The following MALRD1 variants were observed in gnomAD, a reference collection of about 807,000 sequenced individuals.
MALRD1 encodes the protein MAM and LDL-receptor class A domain-containing protein 1.
Under a neutral mutation model 242.1 loss-of-function variants are expected in MALRD1, and 247 were observed. The ratio of observed to expected loss-of-function variants is 1.02; its 90% CI spans 0.92 to 1.13. MALRD1 has a LOEUF of 1.13. Among genes scored for constraint, MALRD1 ranks in the 50% most tolerant of loss-of-function variants. The probability of loss-of-function intolerance (pLI) is 0.00; values close to 1 mark genes in which losing one functional copy is unlikely to be tolerated. For synonymous variants in MALRD1, 995 were observed against 866.6 expected (o/e 1.15, Z -2.60); for missense variants, 2,989 against 2,533.1 (o/e 1.18, Z -3.86).
At chr10:19,409,917 A>G (rs904778250) in intron 28 of MALRD1, among the ~76,000 whole-genome samples, 3 of 152,194 alleles carry the variant, frequency 2.0e-5, no homozygotes, top group African/African-American at 7.2e-5. Context: ...GAAAAATAAT[A>G]TGCATATTCA....
intron 34 of MALRD1, among the ~76,000 whole-genome samples, chr10:19,602,646 C>G (rs1349977257): frequency 2.0e-5 from 3 of 152,048 alleles, no homozygotes; most frequent in East Asian, 1.9e-4. Context: ...AATAGTGCCA[C>G]AATAAACATA....
At chr10:19,363,191 A>C (rs1023594979) in intron 26 of MALRD1, among the ~76,000 whole-genome samples, 1 of 152,168 alleles carries the variant, frequency 6.6e-6, no homozygotes, top group Non-Finnish European at 1.5e-5. Flanking sequence ...TGCATATAAA[A>C]TCATCAAAGA....
At chr10:19,455,703 C>G (rs1449493719) in intron 29 of MALRD1, among the ~76,000 whole-genome samples, 1 of 152,150 alleles carries the variant, frequency 6.6e-6, no homozygotes, top group African/African-American at 2.4e-5. Flanking sequence ...AGGGACAACA[C>G]TTTTTACATC....
chr10:19,560,577 G>T (rs1835919099), intron 32 of MALRD1, among the ~76,000 whole-genome samples: 1 of 152,168 alleles, frequency 6.6e-6, no homozygotes, highest in Non-Finnish European at 1.5e-5. Flanking sequence ...GCCCATCAAT[G>T]ATAGACTAGA....
chr10:19,464,620 A>G (rs973961660), intron 29 of MALRD1, among the ~76,000 whole-genome samples: 8 of 152,172 alleles, frequency 5.3e-5, no homozygotes, highest in African/African-American at 1.9e-4. Flanking sequence ...ATGGCCATAT[A>G]GTAAAGTTTG....
chr10:19,641,971 G>GA (rs1042386379), intron 36 of MALRD1, among the ~76,000 whole-genome samples: 10 of 151,542 alleles, frequency 6.6e-5, no homozygotes, highest in African/African-American at 1.7e-4. Context: ...GTCTTTGAGT[G>GA]AAAAAAAAGA....
At chr10:19,062,629 A>G (rs1380617814) in intron 1 of MALRD1, among the ~76,000 whole-genome samples, 1 of 152,204 alleles carries the variant, frequency 6.6e-6, no homozygotes, top group Non-Finnish European at 1.5e-5. Context: ...ACTCACATAC[A>G]CACAGAAAAA....
chr10:19,581,174 T>G (rs1197251321), intron 33 of MALRD1, among the ~76,000 whole-genome samples: 1 of 151,674 alleles, frequency 6.6e-6, no homozygotes, highest in Non-Finnish European at 1.5e-5. Context: ...TACTAAATTA[T>G]AAGTTTCCTC....
At chr10:19,147,192 G>C (rs1302218316) in intron 11 of MALRD1, among the ~76,000 whole-genome samples, 1 of 152,148 alleles carries the variant, frequency 6.6e-6, no homozygotes, top group Non-Finnish European at 1.5e-5. Context: ...TTGTACTGTA[G>C]ATCATCTTTC....
At chr10:19,282,699 C>T (rs1225006211) in intron 20 of MALRD1, among the ~76,000 whole-genome samples, 1 of 152,136 alleles carries the variant, frequency 6.6e-6, no homozygotes, top group African/African-American at 2.4e-5. Context: ...ACTTGGAGAT[C>T]ATGCAAGCAA....
At chr10:19,245,184 A>T (rs189805391) in intron 18 of MALRD1, among the ~76,000 whole-genome samples, 1 of 152,202 alleles carries the variant, frequency 6.6e-6, no homozygotes, top group Non-Finnish European at 1.5e-5. Flanking sequence ...GAGCTTATGC[A>T]CTGAGAGTTC....
In MALRD1 at chr10:19,450,499, C is replaced by A; in HGVS notation, c.5029+9C>A. 1 of 1,536,170 alleles carries A rather than the reference C, an allele frequency of 6.5e-7. No homozygotes were observed. The highest frequency in any genetic ancestry group is 8.8e-7 in the Non-Finnish European group (1 of 1,140,228). On this transcript the variant is annotated intron_variant, in intron 29 of 39. Transcript: ENST00000454679. Reference sequence around the variant, plus strand: ...TAAAAACTGCACAACTGGTAAGTTTCCAGAAAGCACTTCCATTTGGAAGCA... The same window carrying A: ...TAAAAACTGCACAACTGGTAAGTTTACAGAAAGCACTTCCATTTGGAAGCA...
intron 9 of MALRD1, 21 bp from the exon 10 acceptor site, chr10:19,136,553 T>C: frequency 8.3e-7 from 1 of 1,202,150 alleles, no homozygotes. Flanking sequence ...AACTCATAAA[T>C]TAATCTTTTC....
At chr10:19,424,744 A>T (rs183092073) in intron 28 of MALRD1, among the ~76,000 whole-genome samples, 12 of 152,224 alleles carry the variant, frequency 7.9e-5, no homozygotes, top group African/African-American at 2.9e-4. Flanking sequence ...TTCTTTAAAA[A>T]TCACATTTGT....
At chr10:19,363,001 C>A (rs1245056695) in intron 26 of MALRD1, among the ~76,000 whole-genome samples, 4 of 150,842 alleles carry the variant, frequency 2.7e-5, no homozygotes, top group African/African-American at 7.4e-5. Context: ...GTGAGGGAGA[C>A]TGTGGGAGGA....
At chr10:19,435,546 A>G (rs1345771127) in intron 28 of MALRD1, among the ~76,000 whole-genome samples, 1 of 152,096 alleles carries the variant, frequency 6.6e-6, no homozygotes, top group East Asian at 1.9e-4. Context: ...ATGCCCATTA[A>G]TTGGTATTTA....
At chr10:19,541,505 C>G (rs1834968960) in intron 32 of MALRD1, among the ~76,000 whole-genome samples, 3 of 152,126 alleles carry the variant, frequency 2.0e-5, no homozygotes, top group Non-Finnish European at 4.4e-5. Flanking sequence ...TACAATATGA[C>G]ACGAGTAATG....
chr10:19,691,963 G>A (rs983947082), intron 36 of MALRD1, among the ~76,000 whole-genome samples: 8 of 152,030 alleles, frequency 5.3e-5, no homozygotes, highest in Non-Finnish European at 1.0e-4. Context: ...GCAAATGATG[G>A]ATAAAGTAAA....
intron 29 of MALRD1, among the ~76,000 whole-genome samples, chr10:19,473,363 C>G (rs1158251349): frequency 6.6e-6 from 1 of 151,802 alleles, no homozygotes; most frequent in Admixed American, 6.6e-5. Context: ...CATTGTTAGG[C>G]CTACAGTTCA....
Sources: allele counts gnomAD v4.1 joint callset (sites outside exome capture counted in the v4.1 genomes callset), GRCh38; gene constraint gnomAD v4.1.1; transcripts MANE v1.5; gene names NCBI Gene and HGNC (gene_info 2026-07-23, HGNC 2026-07-21).